Variants in COBL observed in about 807,000 individuals in gnomAD.
COBL encodes protein cordon-bleu.
Under a neutral mutation model 98.8 loss-of-function variants are expected in COBL, and 51 were observed. The observed-to-expected ratio is 0.52, with a 90% CI of 0.41 to 0.65. The LOEUF (loss-of-function observed/expected upper bound fraction) is 0.65, where lower values mean the gene tolerates loss of function less well. Among genes scored for constraint, COBL ranks in the 30% least tolerant of loss-of-function variants. The probability of loss-of-function intolerance (pLI) is 0.00; values close to 1 mark genes in which losing one functional copy is unlikely to be tolerated. For synonymous variants in COBL, 634 were observed against 651.7 expected (o/e 0.97, Z 0.41); for missense variants, 1,617 against 1,617.5 (o/e 1.00, Z 0.01).
chr7:51,248,052 T>C (rs1796408526), intron 1 of COBL, among the ~76,000 whole-genome samples: 2 of 151,906 alleles, frequency 1.3e-5, no homozygotes, highest in East Asian at 1.9e-4. Context: ...GGTGGGAGAA[T>C]TGTCTGAGTC....
At chr7:51,206,415 C>T (rs140611253) in intron 2 of COBL, among the ~76,000 whole-genome samples, 1 of 151,120 alleles carries the variant, frequency 6.6e-6, no homozygotes, top group East Asian at 2.0e-4. Flanking sequence ...TTGCTTGAAC[C>T]CAGGAGGCAA....
intron 6 of COBL, among the ~76,000 whole-genome samples, chr7:51,108,818 T>A (rs1222311821): frequency 6.6e-6 from 1 of 152,094 alleles, no homozygotes; most frequent in Non-Finnish European, 1.5e-5. Flanking sequence ...GAGGTCACCC[T>A]GAGCTCTTGT....
chr7:51,100,401 T>G (rs1414745342), intron 6 of COBL, among the ~76,000 whole-genome samples: 1 of 152,216 alleles, frequency 6.6e-6, no homozygotes, highest in Non-Finnish European at 1.5e-5. Context: ...TTCTATAGCA[T>G]TCACACAATC....
intron 7 of COBL, among the ~76,000 whole-genome samples, chr7:51,061,404 A>G (rs898445978): frequency 6.6e-5 from 10 of 152,096 alleles, no homozygotes; most frequent in African/African-American, 2.4e-4. Context: ...ACATCAACTC[A>G]AGGACTTTAC....
At chr7:51,233,631 T>A (rs147756506) in intron 1 of COBL, among the ~76,000 whole-genome samples, 1 of 152,152 alleles carries the variant, frequency 6.6e-6, no homozygotes, top group Non-Finnish European at 1.5e-5. Flanking sequence ...CAGTGAAATC[T>A]GACTAGCCCG....
intron 5 of COBL, among the ~76,000 whole-genome samples, chr7:51,177,708 G>C (rs1788507184): frequency 6.6e-6 from 1 of 151,840 alleles, no homozygotes; most frequent in African/African-American, 2.4e-5. Context: ...AGGAGGCAGA[G>C]GTTGCAGTGA....
chr7:51,309,995 A>G (rs1563153842), intron 1 of COBL, among the ~76,000 whole-genome samples: 1 of 152,244 alleles, frequency 6.6e-6, no homozygotes, highest in Non-Finnish European at 1.5e-5. Context: ...CTCCAGGCCA[A>G]GGTGAGAGAG....
chr7:51,039,585 T>C (rs1467118347), intron 8 of COBL, among the ~76,000 whole-genome samples: 1 of 152,284 alleles, frequency 6.6e-6, no homozygotes, highest in Non-Finnish European at 1.5e-5. Context: ...AGATTCTCTC[T>C]ACGTTCCCAA....
chr7:51,219,286 A>G (rs1002942895), intron 2 of COBL, among the ~76,000 whole-genome samples: 2 of 152,194 alleles, frequency 1.3e-5, no homozygotes, highest in Non-Finnish European at 2.9e-5. Context: ...TTCACTTTAG[A>G]AAGTTGATTG....
intron 4 of COBL, among the ~76,000 whole-genome samples, chr7:51,189,544 G>A (rs1055553500): frequency 6.6e-6 from 1 of 152,116 alleles, no homozygotes; most frequent in African/African-American, 2.4e-5. Flanking sequence ...TGAGGCAGGA[G>A]AATCACTTGA....
Position 51,038,881 on chromosome 7 carries a change from T to A in COBL, c.1406+4502A>T, listed in dbSNP as rs116419469. On this transcript the variant is annotated intron_variant, in intron 8 of 12. Transcript: ENST00000265136. ...CCCAAGGCCTGTCATTCAGAGGGGATGGAGAGGGCTCATGTCACAGCTAGG... is the reference window on the plus strand; with the variant it reads ...CCCAAGGCCTGTCATTCAGAGGGGAAGGAGAGGGCTCATGTCACAGCTAGG... 5.3e-4 allele frequency among the ~76,000 whole-genome samples: 81 copies of A among 152,330 alleles called. 1 individual carries two copies. The highest frequency in any genetic ancestry group is 1.8e-3 in the African/African-American group (75 of 41,588).
chr7:51,106,680 T>A (rs1375172966), intron 6 of COBL, among the ~76,000 whole-genome samples: 2 of 152,186 alleles, frequency 1.3e-5, no homozygotes, highest in African/African-American at 4.8e-5. Context: ...ATGCCTTAGG[T>A]CAACCAAATG....
intron 1 of COBL, among the ~76,000 whole-genome samples, chr7:51,240,540 ATTTTTT>A (rs11350456): frequency 1.3e-5 from 2 of 150,574 alleles, no homozygotes; most frequent in East Asian, 3.9e-4. Context: ...TACTGAACAT[ATTTTTT>A]TTTTATTTTA....
intron 2 of COBL, among the ~76,000 whole-genome samples, chr7:51,205,639 G>A (rs1275233625): frequency 7.5e-6 from 1 of 133,334 alleles, no homozygotes; most frequent in African/African-American, 2.7e-5. Flanking sequence ...TTTGTTTTTT[G>A]GTTTTTTGTT....
chr7:51,145,124 C>T (rs1191484634), intron 5 of COBL, among the ~76,000 whole-genome samples: 1 of 151,552 alleles, frequency 6.6e-6, no homozygotes, highest in Non-Finnish European at 1.5e-5. Flanking sequence ...AAGCGATTCT[C>T]CTGCCTCAGC....
intron 1 of COBL, among the ~76,000 whole-genome samples, chr7:51,248,123 A>G (rs1796417854): frequency 6.6e-6 from 1 of 152,208 alleles, no homozygotes; most frequent in Non-Finnish European, 1.5e-5. Flanking sequence ...CAGGCGACAG[A>G]GCAAAACAGG....
At chr7:51,128,883 T>C (rs1022882348) in intron 6 of COBL, among the ~76,000 whole-genome samples, 1 of 152,344 alleles carries the variant, frequency 6.6e-6, no homozygotes, top group African/African-American at 2.4e-5. Context: ...CTTGTGCCCT[T>C]ACTCCTACCT....
chr7:51,102,831 AC>A (rs1795923456), intron 6 of COBL, among the ~76,000 whole-genome samples: 1 of 152,220 alleles, frequency 6.6e-6, no homozygotes, highest in South Asian at 2.1e-4. Context: ...GCGAAGGAAA[AC>A]CAGGTGGATT....
chr7:51,291,354 A>G (rs1249165019), intron 1 of COBL, among the ~76,000 whole-genome samples: 3 of 152,186 alleles, frequency 2.0e-5, no homozygotes, highest in Non-Finnish European at 4.4e-5. Context: ...ATCATATACA[A>G]CTGTAAAAAG....
Sources: gnomAD v4.1 joint callset for allele counts (sites outside exome capture counted in the v4.1 genomes callset) on GRCh38, gnomAD v4.1.1 for gene constraint, MANE v1.5 for transcripts, NCBI Gene and HGNC (gene_info 2026-07-23, HGNC 2026-07-21) for gene names.